RMND5A: variants seen among roughly 807,000 people sequenced by gnomAD.
RMND5A encodes the protein E3 ubiquitin-protein transferase RMND5A.
In RMND5A, 17 loss-of-function variants were observed where a neutral mutation model predicts 49.7. That is an observed-to-expected ratio of 0.34 (90% CI 0.23 to 0.51). RMND5A has a LOEUF of 0.51. Ranked by LOEUF, RMND5A falls within the 20% of genes least tolerant of loss-of-function variation. The pLI is 0.96. For missense variants in RMND5A, 255 were observed against 471.3 expected (o/e 0.54, Z 4.25); for synonymous variants, 156 against 167.7 (o/e 0.93, Z 0.54).
At position 86,777,143 on chromosome 2, in the gene RMND5A, G is replaced by T. The variant is rs1672784228; in HGVS notation, c.*3732G>T. 1 of 152,180 alleles carries T rather than the reference G, an allele frequency of 6.6e-6. No individual in the cohort carries two copies. The highest frequency in any genetic ancestry group is 6.5e-5 in the Admixed American group (1 of 15,270). The allele number at this position is 152,180 out of a possible 1,614,324, so 9.4% of individuals were successfully genotyped here. Reference sequence around the variant, plus strand: ...AAGAGAAACAAAATTTTGTTTTCAAGACATTTCCACTGCAGTTTCAAGCTG... The same window carrying T: ...AAGAGAAACAAAATTTTGTTTTCAATACATTTCCACTGCAGTTTCAAGCTG... On this transcript the variant is annotated 3_prime_UTR_variant, in exon 9 of 9. Coordinates refer to ENST00000283632, the MANE Select transcript of RMND5A (RefSeq NM_022780.4).
chr2:86,722,003 A>T (rs966774865), intron 1 of RMND5A, among the ~76,000 whole-genome samples: 2 of 102,868 alleles, frequency 1.9e-5, no homozygotes, highest in Non-Finnish European at 3.7e-5. Flanking sequence ...TCCAGGAAGG[A>T]AGCAAACCTG....
intron 4 of RMND5A, among the ~76,000 whole-genome samples, chr2:86,754,157 C>T (rs1443348650): frequency 6.6e-6 from 1 of 152,198 alleles, no homozygotes; most frequent in Non-Finnish European, 1.5e-5. Context: ...TTAGGCTTTT[C>T]ATTTCACATA....
At chr2:86,763,194 A>G (rs201339976) in intron 4 of RMND5A, among the ~76,000 whole-genome samples, 7 of 33,720 alleles carry the variant, frequency 2.1e-4, no homozygotes, top group Non-Finnish European at 7.2e-4. Context: ...TAAAATTTGT[A>G]GTTACTCTAT....
chr2:86,755,896 A>T (rs1355252014), intron 4 of RMND5A, among the ~76,000 whole-genome samples: 1 of 152,090 alleles, frequency 6.6e-6, no homozygotes, highest in African/African-American at 2.4e-5. Flanking sequence ...TTGAGTGGTT[A>T]TTGTATGCCT....
chr2:86,766,917 A>C (rs1379704392), intron 6 of RMND5A, among the ~76,000 whole-genome samples: 1 of 152,190 alleles, frequency 6.6e-6, no homozygotes, highest in African/African-American at 2.4e-5. Flanking sequence ...TCATCTTAAT[A>C]ATTTGTATGA....
At chr2:86,721,353 C>T (rs1382659224) in intron 1 of RMND5A, among the ~76,000 whole-genome samples, 3 of 151,940 alleles carry the variant, frequency 2.0e-5, no homozygotes, top group Non-Finnish European at 1.5e-5. Flanking sequence ...GGGTTAACAA[C>T]AGCCGCTCCT....
intron 4 of RMND5A, among the ~76,000 whole-genome samples, chr2:86,760,965 A>AGTGTGT (rs35942120): frequency 0.042 from 6,054 of 145,390 alleles, 251 homozygotes; most frequent in Admixed American, 0.13. Flanking sequence ...GAGAGAGAGA[A>AGTGTGT]GTGTGTGTGT....
rs748134932 is a variant in RMND5A at position 86,774,651 on chromosome 2, C to T, written c.*1240C>T. The T allele has an allele frequency of 3.3e-5, 5 of 152,562 alleles. No individual in the cohort carries two copies. Among genetic ancestry groups the T allele is most frequent in the African/African-American group, 2.4e-5 (1 of 41,406 alleles). 9.5% of individuals were successfully genotyped at this position (152,562 alleles called of 1,614,324 possible). A position where few individuals can be genotyped will look rare whatever the true frequency, so the allele number is the denominator to read the frequency against. ...AGACTTCTGTGGACATAATTCTGAC[C>T]GAAACCCATGAAGTTACTTCAGTAT... is the stretch of plus-strand genomic sequence containing the variant. On this transcript the variant is annotated 3_prime_UTR_variant, in exon 9 of 9. Transcript: ENST00000283632.
rs1439686468 is a variant in RMND5A, at chr2:86,720,364, C to A, written c.-304C>A. On this transcript the variant is annotated 5_prime_UTR_variant, in exon 1 of 9. Transcript: ENST00000283632. ...CGGTCGGTTCCCGTGAAAACAAAAA[C>A]AATCGGCCGCGCCGTCGCAGGCACC... 1.3e-5 allele frequency: 2 copies of A among 157,398 alleles called. No individual in the cohort carries two copies. The highest frequency in any genetic ancestry group is 1.4e-5 in the Non-Finnish European group (1 of 71,712). 9.8% of individuals were successfully genotyped at this position (157,398 alleles called of 1,614,324 possible).
chr2:86,753,568 G>C lies in RMND5A; in HGVS notation c.521+10G>C, dbSNP rs983676251. ...TGAGACCTGCTCTGGAGTGAGTATT[G>C]AGTTTGCTTTCTTTTGAGTACTTTG... On this transcript the variant is annotated intron_variant, in intron 4 of 8. Transcript: ENST00000283632. The C allele has an allele frequency of 6.8e-6, 10 of 1,461,446 alleles. No individual in the cohort carries two copies. The highest frequency in any genetic ancestry group is 2.8e-5 in the African/African-American group (2 of 71,172). The allele number at this position is 1,461,446 out of a possible 1,614,324, so 90.5% of individuals were successfully genotyped here.
At chr2:86,755,734 A>G (rs941414436) in intron 4 of RMND5A, among the ~76,000 whole-genome samples, 7 of 152,178 alleles carry the variant, frequency 4.6e-5, no homozygotes, top group African/African-American at 1.7e-4. Flanking sequence ...TTATTTCTGT[A>G]AATTTTGTCT....
intron 1 of RMND5A, among the ~76,000 whole-genome samples, chr2:86,721,413 C>T (rs1240706995): frequency 6.6e-6 from 1 of 151,910 alleles, no homozygotes; most frequent in Non-Finnish European, 1.5e-5. Context: ...AACTCCGCAG[C>T]GGCTCTGACA....
chr2:86,728,976 G>C (rs1022757677), intron 1 of RMND5A, among the ~76,000 whole-genome samples: 2 of 151,868 alleles, frequency 1.3e-5, no homozygotes, highest in African/African-American at 4.9e-5. Flanking sequence ...GGATGGTCTC[G>C]ATCTCTTGAC....
rs1048456909 is a variant in RMND5A at position 86,775,556 on chromosome 2, A to C, written c.*2145A>C. On this transcript the variant is annotated 3_prime_UTR_variant, in exon 9 of 9. Transcript: ENST00000283632. ...CAGAGCTCAGCTTTATCCCTCTCCC[A>C]GTGCTGGGAGCCAAAAAACTGTTGA... 2.0e-5 allele frequency: 3 copies of C among 151,660 alleles called. No individual in the cohort carries two copies. Among genetic ancestry groups the C allele is most frequent in the Admixed American group, 6.6e-5 (1 of 15,240 alleles). The allele number at this position is 151,660 out of a possible 1,614,324, so 9.4% of individuals were successfully genotyped here. A position where few individuals can be genotyped will look rare whatever the true frequency, so the allele number is the denominator to read the frequency against.
intron 7 of RMND5A, among the ~76,000 whole-genome samples, chr2:86,770,860 G>A (rs189592694): frequency 1.2e-3 from 184 of 152,306 alleles, no homozygotes; most frequent in African/African-American, 3.6e-3. Flanking sequence ...GTTTCCACCA[G>A]GTCTCTGACA....
chr2:86,766,674 A>AAAAG (rs1439070872), intron 6 of RMND5A, among the ~76,000 whole-genome samples: 7 of 150,132 alleles, frequency 4.7e-5, no homozygotes, highest in African/African-American at 1.8e-4. Context: ...AAAAAAAAAA[A>AAAAG]AAAAAAAAGA....
rs1264047852 is a variant in RMND5A at position 86,774,225 on chromosome 2, T to G, written c.*814T>G. The G allele has an allele frequency of 6.6e-6, 1 of 152,666 alleles. No individual in the cohort carries two copies. The highest frequency in any genetic ancestry group is 1.5e-5 in the Non-Finnish European group (1 of 68,036). The allele number at this position is 152,666 out of a possible 1,614,324, so 9.5% of individuals were successfully genotyped here. The stretch of plus-strand genomic sequence containing the variant: ...GTTAGAAGTGTTCTTAAGTTGATAT[T>G]TACTCTCTTGGTCTTGGTAGCCCTA... On this transcript the variant is annotated 3_prime_UTR_variant, in exon 9 of 9. Transcript: ENST00000283632.
Position 86,751,912 on chromosome 2 carries a change from T to A in RMND5A, c.302T>A (p.Ile101Asn), listed in dbSNP as rs1351602072. Reference protein sequence around the residue: ...KAIDKNFDSDISSVGIDGCWQ... With the variant: ...KAIDKNFDSDNSSVGIDGCWQ... ...TTTCCCCAGAATTTTGATTCTGACA[T>A]TAGCAGTGTGGGAATAGATGGCTGC... The change falls in exon 3 of 9, where the codon ATT becomes AAT. Residue 101 changes from isoleucine to asparagine, a missense_variant. Around this residue, in one of 3 missense-constraint regions of RMND5A, gnomAD observed 5 missense variants for 71.5 expected, o/e 0.07. Coordinates refer to ENST00000283632, the MANE Select transcript of RMND5A (RefSeq NM_022780.4). 1 of 1,613,456 alleles carries A rather than the reference T, an allele frequency of 6.2e-7. No individual in the cohort carries two copies. The highest frequency in any genetic ancestry group is 1.3e-5 in the African/African-American group (1 of 74,904).
chr2:86,759,528 C>T (rs770677504), intron 4 of RMND5A, among the ~76,000 whole-genome samples: 4 of 152,070 alleles, frequency 2.6e-5, no homozygotes, highest in Non-Finnish European at 2.9e-5. Flanking sequence ...ACAGTGTTCT[C>T]GTGGTCCACG....
Sources: gnomAD v4.1 joint callset for allele counts (sites outside exome capture counted in the v4.1 genomes callset) on GRCh38, gnomAD v4.1.1 for gene constraint, gnomAD v4.1.1 regional missense constraint, MANE v1.5 for transcripts, NCBI Gene and HGNC (gene_info 2026-07-23, HGNC 2026-07-21) for gene names.